Variants in EFCAB3 observed in about 807,000 individuals in gnomAD.
EFCAB3 encodes the protein EF-hand calcium-binding domain-containing protein 3.
EFCAB3 carries 36 observed loss-of-function variants against 42.2 expected under a neutral mutation model. The observed-to-expected ratio is 0.85, with a 90% CI of 0.65 to 1.13. EFCAB3 has a LOEUF of 1.13. Ranked by LOEUF, EFCAB3 falls within the 50% of genes most tolerant of loss-of-function variation. The pLI is 0.00. For synonymous variants in EFCAB3, 170 were observed against 172.8 expected (o/e 0.98, Z 0.13); for missense variants, 418 against 505.1 (o/e 0.83, Z 1.65).
chr17:62,383,117 C>T, intron 2 of EFCAB3, 64 bp downstream of exon 2: 2 of 1,441,468 alleles, frequency 1.4e-6, no homozygotes, highest in Non-Finnish European at 1.9e-6. Flanking sequence ...TGTTACAGCT[C>T]TTTTAGAATT....
intron 1 of EFCAB3, among the ~76,000 whole-genome samples, chr17:62,371,740 G>T (rs2070116148): frequency 6.6e-6 from 1 of 152,034 alleles, no homozygotes; most frequent in Non-Finnish European, 1.5e-5. Flanking sequence ...GGAAGGAGGG[G>T]GAATTTGGGG....
chr17:62,372,187 T>C (rs1211808747), intron 1 of EFCAB3, among the ~76,000 whole-genome samples: 1 of 152,100 alleles, frequency 6.6e-6, no homozygotes, highest in Non-Finnish European at 1.5e-5. Flanking sequence ...GTTGCAAACA[T>C]ATCTCCATGT....
In EFCAB3 at chr17:62,383,054, G is replaced by A; in HGVS notation, c.74+1G>A. On this transcript the variant is annotated splice_donor_variant, in intron 2 of 9. Coordinates refer to ENST00000305286, the MANE Select transcript of EFCAB3 (RefSeq NM_173503.4). LOFTEE classifies it high-confidence loss of function. ...AAGTACCCATCTCCCACAATAAAAGGTAGGTAATGAATGATTAAGGGTGAT... is the reference window on the plus strand; with the variant it reads ...AAGTACCCATCTCCCACAATAAAAGATAGGTAATGAATGATTAAGGGTGAT... 1.2e-6 allele frequency: 2 copies of A among 1,609,024 alleles called. No individual in the cohort carries two copies. Among genetic ancestry groups the A allele is most frequent in the Non-Finnish European group, 1.7e-6 (2 of 1,176,564 alleles).
At chr17:62,391,997 A>G in intron 4 of EFCAB3, 32 bp downstream of exon 4, 1 of 1,568,292 alleles carries the variant, frequency 6.4e-7, no homozygotes, top group Non-Finnish European at 8.7e-7. Flanking sequence ...TGTTTTTCTC[A>G]TAAAAGATTT....
chr17:62,411,886 AAGGAAGGAAGGAAGGAAGGGAGGG>A (rs1567729330), intron 8 of EFCAB3, among the ~76,000 whole-genome samples: 1 of 66,542 alleles, frequency 1.5e-5, no homozygotes, highest in South Asian at 9.8e-4. Context: ...GGAAGGAAGG[AAGGAAGGAAGGAAGGAAGGGAGGG>A]AGGGAGGAAG....
upstream of EFCAB3, among the ~76,000 whole-genome samples, chr17:62,375,968 C>T (rs1390045416): frequency 6.6e-6 from 1 of 152,098 alleles, no homozygotes; most frequent in Non-Finnish European, 1.5e-5. Context: ...CAAACATATA[C>T]ATTTCACATG....
At chr17:62,375,090 G>A (rs947122049) in intron 2 of EFCAB3, among the ~76,000 whole-genome samples, 20 of 152,140 alleles carry the variant, frequency 1.3e-4, no homozygotes, top group Non-Finnish European at 2.9e-4. Context: ...CTCCAGCCTC[G>A]ATGATAGAGT....
intron 2 of EFCAB3, chr17:62,373,993 G>A: frequency 2.1e-6 from 1 of 485,746 alleles, no homozygotes; most frequent in East Asian, 3.7e-5. Context: ...TTTAGCAAAT[G>A]AAAAGATGAA....
chr17:62,398,671 A>C (rs1308601515), intron 6 of EFCAB3, among the ~76,000 whole-genome samples: 1 of 150,978 alleles, frequency 6.6e-6, no homozygotes, highest in Admixed American at 6.6e-5. Flanking sequence ...CTGTCTCAAA[A>C]GAAAGAAAGA....
intron 6 of EFCAB3, chr17:62,397,840 T>C (rs540690760): frequency 3.1e-5 from 9 of 288,442 alleles, no homozygotes; most frequent in African/African-American, 2.0e-4. Flanking sequence ...CTGGCCAACA[T>C]GGTGAAACCC....
rs1393480202 is a variant in EFCAB3, at chr17:62,402,280, T to A, written c.489-4200T>A. Among the ~76,000 whole-genome samples, 3 of 152,162 alleles carry A rather than the reference T, an allele frequency of 2.0e-5. No individual in the cohort carries two copies. The East Asian group carries it at 5.8e-4, about 29-fold the overall frequency. On this transcript the variant is annotated intron_variant, in intron 6 of 9. Coordinates refer to ENST00000305286, the MANE Select transcript of EFCAB3 (RefSeq NM_173503.4). The stretch of plus-strand genomic sequence containing the variant: ...TCTTTTCCTAATTGAATACCCTTTA[T>A]TTCCTTCTCCTGCCTGATTGCCCTG...
At chr17:62,392,113 T>C (rs1279800439) in intron 4 of EFCAB3, 148 bp downstream of exon 4, 5 of 411,576 alleles carry the variant, frequency 1.2e-5, no homozygotes, top group African/African-American at 1.1e-4. Flanking sequence ...TATATATTTG[T>C]ATATGTTAAA....
At chr17:62,402,459 G>T (rs11079477) in intron 6 of EFCAB3, among the ~76,000 whole-genome samples, 2 of 152,046 alleles carry the variant, frequency 1.3e-5, no homozygotes, top group East Asian at 1.9e-4. Context: ...TTTGAAATAC[G>T]TCCCATCAAT....
rs1345524038 is a variant in EFCAB3, at chr17:62,371,067, G to A, written c.34+745G>A. On this transcript the variant is annotated intron_variant, in intron 1 of 11. Transcript: ENST00000450662. ...TGATTGCACCGCTGCATTCCAGCCT[G>A]GGCAACAGGGCAAGACCCTGTCTCC... 2.0e-5 allele frequency among the ~76,000 whole-genome samples: 3 copies of A among 150,378 alleles called. No individual in the cohort carries two copies. The Admixed American group carries it at 2.0e-4, about 10-fold the overall frequency.
chr17:62,391,746 T>C, intron 3 of EFCAB3, 76 bp from the exon 4 acceptor site: 5 of 1,424,986 alleles, frequency 3.5e-6, no homozygotes, highest in Admixed American at 2.1e-5. Flanking sequence ...TCAACTATAT[T>C]GTCTGTCCTA....
intron 2 of EFCAB3, among the ~76,000 whole-genome samples, chr17:62,385,299 T>A (rs1404779822): frequency 6.6e-6 from 1 of 152,020 alleles, no homozygotes; most frequent in Non-Finnish European, 1.5e-5. Flanking sequence ...AAAAATTAGC[T>A]GGGTATGGTG....
exon 2 of EFCAB3, chr17:62,373,850 G>A: frequency 1.3e-6 from 2 of 1,505,328 alleles, no homozygotes; most frequent in East Asian, 4.9e-5. Flanking sequence ...ATAATGGAGG[G>A]CCTGAAGAAG....
chr17:62,387,365 C>T lies in EFCAB3; in HGVS notation c.100C>T (p.Gln34Ter). 6.2e-7 allele frequency: 1 copy of T among 1,611,578 alleles called. No homozygotes were observed. The highest frequency in any genetic ancestry group is 8.5e-7 in the Non-Finnish European group (1 of 1,178,606). The change falls in exon 3 of 10, where the codon CAA becomes TAA. Residue 34 changes from glutamine to a stop codon, truncating the protein, a stop_gained. Transcript: ENST00000305286. LOFTEE classifies it high-confidence loss of function. Reference protein sequence around the residue: ...KRDRDLPGSLQCQLQHKEKKL... With the variant: ...KRDRDLPGSL ...GGATAGAGACTTACCAGGATCTCTT[C>T]AATGCCAATTACAACACAAAGAAAA...
At chr17:62,377,657 A>G (rs867774366), upstream of EFCAB3, among the ~76,000 whole-genome samples, 1 of 152,206 alleles carries the variant, frequency 6.6e-6, no homozygotes, top group South Asian at 2.1e-4. Context: ...TGAAGTGGGT[A>G]ACAGATCATC....
Sources: allele counts gnomAD v4.1 joint callset (sites outside exome capture counted in the v4.1 genomes callset), GRCh38; gene constraint gnomAD v4.1.1; transcripts MANE v1.5; gene names NCBI Gene and HGNC (gene_info 2026-07-23, HGNC 2026-07-21).